The following PRKN variants were observed in gnomAD, a reference collection of about 807,000 sequenced individuals.
PRKN encodes E3 ubiquitin-protein ligase parkin.
A neutral mutation model predicts 59.5 loss-of-function variants in PRKN; 56 were observed. The ratio of observed to expected loss-of-function variants is 0.94; its 90% CI spans 0.76 to 1.18. The LOEUF (loss-of-function observed/expected upper bound fraction) is 1.18. Ranked by LOEUF, PRKN falls within the 50% of genes most tolerant of loss-of-function variation. PRKN has a pLI of 0.00. For missense variants in PRKN, 657 were observed against 596.4 expected (o/e 1.10, Z -1.06); for synonymous variants, 250 against 222.1 (o/e 1.13, Z -1.12).
chr6:161,709,404 TTTTTTCAGAGAAAAAGTAGAAACA>T (rs547928984), intron 7 of PRKN, among the ~76,000 whole-genome samples: 95 of 152,240 alleles, frequency 6.2e-4, no homozygotes, highest in Non-Finnish European at 1.0e-3. Flanking sequence ...ATGAGAGCTC[TTTTTTCAGAGAAAAAGTAGAAACA>T]TTTCTTGCTT....
At chr6:162,413,146 A>G (rs1476918804) in intron 2 of PRKN, among the ~76,000 whole-genome samples, 1 of 152,222 alleles carries the variant, frequency 6.6e-6, no homozygotes, top group Non-Finnish European at 1.5e-5. Context: ...AGCCCATATC[A>G]AATATTTCAA....
chr6:162,325,145 A>G (rs1398245338), intron 2 of PRKN, among the ~76,000 whole-genome samples: 1 of 66,632 alleles, frequency 1.5e-5, no homozygotes, highest in African/African-American at 4.7e-5. Flanking sequence ...TTAGTGCTAG[A>G]GCCCTCATGC....
At chr6:161,695,705 G>A (rs143229357) in intron 7 of PRKN, among the ~76,000 whole-genome samples, 160 of 152,314 alleles carry the variant, frequency 1.1e-3, no homozygotes, top group Non-Finnish European at 1.9e-3. Context: ...AGAAGCGGCT[G>A]CTAGAGGGAA....
At chr6:162,415,926 G>A (rs6904287) in intron 2 of PRKN, among the ~76,000 whole-genome samples, 83,573 of 152,030 alleles carry the variant, frequency 0.55, 23,932 homozygotes, top group African/African-American at 0.71. Context: ...AGCAACACTC[G>A]TTAATAGGCA....
chr6:162,211,843 C>T (rs1162813209), intron 3 of PRKN, among the ~76,000 whole-genome samples: 2 of 152,070 alleles, frequency 1.3e-5, no homozygotes, highest in Non-Finnish European at 2.9e-5. Context: ...TTTCCAAAAG[C>T]TTTTGGTGGT....
intron 1 of PRKN, among the ~76,000 whole-genome samples, chr6:162,707,193 T>C (rs769943551): frequency 1.3e-5 from 2 of 152,204 alleles, no homozygotes; most frequent in Non-Finnish European, 2.9e-5. Flanking sequence ...TATATGAATA[T>C]ACTGTGGAAA....
At chr6:162,647,789 C>T (rs1378479446) in intron 1 of PRKN, among the ~76,000 whole-genome samples, 2 of 151,872 alleles carry the variant, frequency 1.3e-5, no homozygotes, top group Non-Finnish European at 2.9e-5. Context: ...TCACAATTTT[C>T]CCTACTTTAT....
intron 4 of PRKN, among the ~76,000 whole-genome samples, chr6:162,057,598 T>C (rs1777917772): frequency 6.6e-6 from 1 of 152,190 alleles, no homozygotes; most frequent in African/African-American, 2.4e-5. Context: ...AGAAATTCAG[T>C]GGAGATAAAT....
chr6:162,382,928 G>C (rs1186105247), intron 2 of PRKN, among the ~76,000 whole-genome samples: 2 of 152,100 alleles, frequency 1.3e-5, no homozygotes, highest in African/African-American at 4.8e-5. Flanking sequence ...TCAATAAACT[G>C]CTTTCTTTGT....
intron 5 of PRKN, among the ~76,000 whole-genome samples, chr6:162,000,760 T>C (rs1045622262): frequency 3.3e-5 from 5 of 152,042 alleles, no homozygotes; most frequent in African/African-American, 1.2e-4. Context: ...CCAGTGTTAC[T>C]TTCTCGGAGT....
intron 9 of PRKN, among the ~76,000 whole-genome samples, chr6:161,519,139 G>A (rs1027734842): frequency 9.9e-5 from 15 of 152,238 alleles, no homozygotes; most frequent in Middle Eastern, 3.4e-3. Context: ...GAAAAAAGTG[G>A]AATGTTTAAT....
chr6:162,069,898 T>C (rs2128290308), intron 4 of PRKN, among the ~76,000 whole-genome samples: 1 of 152,326 alleles, frequency 6.6e-6, no homozygotes, highest in Admixed American at 6.5e-5. Flanking sequence ...TTATATGGTA[T>C]ACAGGACGCA....
At chr6:161,513,628 C>G (rs1237340161) in intron 9 of PRKN, among the ~76,000 whole-genome samples, 1 of 151,536 alleles carries the variant, frequency 6.6e-6, no homozygotes, top group African/African-American at 2.4e-5. Context: ...AACTGAGCCA[C>G]TACATGAAGG....
intron 2 of PRKN, among the ~76,000 whole-genome samples, chr6:162,375,046 T>TTTAGTCTA (rs1785986965): frequency 6.6e-6 from 1 of 152,120 alleles, no homozygotes; most frequent in African/African-American, 2.4e-5. Context: ...TAGGAACAAT[T>TTTAGTCTA]TTAGTAACAG....
chr6:162,652,207 A>G (rs1778470503), intron 1 of PRKN, among the ~76,000 whole-genome samples: 1 of 152,272 alleles, frequency 6.6e-6, no homozygotes, highest in East Asian at 1.9e-4. Context: ...GGGTCACCTC[A>G]TATTTGGGCA....
intron 9 of PRKN, among the ~76,000 whole-genome samples, chr6:161,439,853 T>A (rs561373925): frequency 6.6e-6 from 1 of 152,322 alleles, no homozygotes; most frequent in South Asian, 2.1e-4. Flanking sequence ...GGGCAGGTAC[T>A]ATGAGCTCAG....
intron 5 of PRKN, among the ~76,000 whole-genome samples, chr6:161,987,915 T>C (rs1781494139): frequency 6.6e-6 from 1 of 152,240 alleles, no homozygotes; most frequent in African/African-American, 2.4e-5. Flanking sequence ...CATCATCCGG[T>C]TGCTAAGAGG....
intron 1 of PRKN, among the ~76,000 whole-genome samples, chr6:162,570,630 A>G (rs542647792): frequency 2.8e-4 from 43 of 152,338 alleles, no homozygotes; most frequent in African/African-American, 9.4e-4. Flanking sequence ...ATGGAGTACT[A>G]TTCAGCCATA....
chr6:161,682,757 G>A (rs1035474234), intron 7 of PRKN, among the ~76,000 whole-genome samples: 4 of 152,180 alleles, frequency 2.6e-5, no homozygotes, highest in Non-Finnish European at 4.4e-5. Flanking sequence ...CGCGAGGCCT[G>A]GTGGGAAGCC....
Sources: allele counts gnomAD v4.1 joint callset (sites outside exome capture counted in the v4.1 genomes callset), GRCh38; gene constraint gnomAD v4.1.1; transcripts MANE v1.5; gene names NCBI Gene and HGNC (gene_info 2026-07-23, HGNC 2026-07-21).